Variants in ARMH1 observed in about 807,000 individuals in gnomAD.
ARMH1 encodes the protein armadillo-like helical domain containing protein 1.
In ARMH1, 34 loss-of-function variants were observed where a neutral mutation model predicts 50.2. That is an observed-to-expected ratio of 0.68 (90% CI 0.51 to 0.90). The LOEUF is 0.90. ARMH1 is among the 40% of genes least tolerant of loss of function. The pLI is 0.00. For synonymous variants in ARMH1, 221 were observed against 224.2 expected, an observed-to-expected ratio of 0.99 and a Z score of 0.13; for missense variants, 538 against 553.9, an observed-to-expected ratio of 0.97 and a Z score of 0.29.
In ARMH1 at chr1:44,689,987, A is replaced by T. The variant is rs574062940; in HGVS notation, c.206+84A>T. The T allele has an allele frequency of 5.4e-5, 65 of 1,197,900 alleles. No individual in the cohort carries two copies. In the African/African-American group the frequency reaches 9.8e-4, roughly 18 times the overall value. The allele number at this position is 1,197,900 out of a possible 1,614,324, so 74.2% of individuals were successfully genotyped here. Reference sequence around the variant, plus strand: ...GTAATCCCAGCACTTTGGGAGGCCAAGGTGGGCAGATCACAAGGTCAGGAG... The same window carrying T: ...GTAATCCCAGCACTTTGGGAGGCCATGGTGGGCAGATCACAAGGTCAGGAG... On this transcript the variant is annotated intron_variant, in intron 2 of 11. Transcript: ENST00000535358.
chr1:44,701,972 G>GC (rs1557538788), intron 5 of ARMH1, among the ~76,000 whole-genome samples: 1 of 152,032 alleles, frequency 6.6e-6, no homozygotes, highest in Non-Finnish European at 1.5e-5. Flanking sequence ...GGCTGTGGTG[G>GC]CATGTGCCTA....
In ARMH1 at chr1:44,724,733, AG is replaced by A. The variant is rs1171179210; in HGVS notation, c.1051-28del. The A allele has an allele frequency of 4.0e-6, 6 of 1,513,434 alleles. No homozygotes were observed. Among genetic ancestry groups the A allele is most frequent in the Admixed American group, 2.2e-5 (1 of 46,254 alleles). 93.8% of individuals were successfully genotyped at this position (1,513,434 alleles called of 1,614,324 possible). ...GCACCCGCAGCCCCGTCGCCCCCGC[AG>A]TCACGCCGCCTCGCCCGCGCGGCGC... is the stretch of plus-strand genomic sequence containing the variant. On this transcript the variant is annotated intron_variant, in intron 9 of 11. Coordinates refer to ENST00000535358, the MANE Select transcript of ARMH1 (RefSeq NM_001145636.2). This position sits in a 1 kb window ranked among gnomAD's most constrained non-coding sequence, Gnocchi z 6.4.
chr1:44,725,113 G>C (rs1360650612), intron 10 of ARMH1, 23 bp from the exon 11 acceptor site: 8 of 1,551,668 alleles, frequency 5.2e-6, no homozygotes, highest in Non-Finnish European at 5.2e-6. Flanking sequence ...CCCCAGCCGG[G>C]TCCCCCTTGC....
rs1441005423 is a variant in ARMH1, at chr1:44,681,921, C to A, written c.-23+7048C>A. 1.3e-5 allele frequency among the ~76,000 whole-genome samples: 2 copies of A among 152,090 alleles called. No individual in the cohort carries two copies. Among genetic ancestry groups the A allele is most frequent in the Non-Finnish European group, 2.9e-5 (2 of 68,016 alleles). On this transcript the variant is annotated intron_variant, in intron 1 of 11. Coordinates refer to ENST00000535358, the MANE Select transcript of ARMH1 (RefSeq NM_001145636.2). The surrounding 1 kb of genome is among the most constrained non-coding windows in gnomAD (Gnocchi z 4.3). ...GGTCGCTGGAGTCTGCATTCCATGT[C>A]TCTTCTCTGTGCGCCAACAGAACCT... is the stretch of plus-strand genomic sequence containing the variant.
At chr1:44,714,042 G>A (rs936070342) in intron 6 of ARMH1, among the ~76,000 whole-genome samples, 5 of 152,078 alleles carry the variant, frequency 3.3e-5, no homozygotes, top group African/African-American at 1.2e-4. Flanking sequence ...TTGGGAGGCC[G>A]GCGGATCACG....
At chr1:44,677,247 C>G (rs759784666) in intron 1 of ARMH1, among the ~76,000 whole-genome samples, 1 of 152,126 alleles carries the variant, frequency 6.6e-6, no homozygotes, top group South Asian at 2.1e-4. Flanking sequence ...ATGGCCCTGT[C>G]GAGGTTAGTG....
chr1:44,690,179 C>T (rs1459916172), intron 2 of ARMH1, among the ~76,000 whole-genome samples: 1 of 152,106 alleles, frequency 6.6e-6, no homozygotes, highest in Non-Finnish European at 1.5e-5. Flanking sequence ...GATCATGCCA[C>T]TGCACTCCAG....
chr1:44,706,569 C>T (rs965519445), intron 6 of ARMH1, among the ~76,000 whole-genome samples: 2 of 152,202 alleles, frequency 1.3e-5, no homozygotes, highest in African/African-American at 4.8e-5. Context: ...CTGGAGGCCA[C>T]TTCCAACCTA....
chr1:44,680,832 C>T (rs1266419088), intron 1 of ARMH1, among the ~76,000 whole-genome samples: 2 of 152,072 alleles, frequency 1.3e-5, no homozygotes, highest in African/African-American at 2.4e-5. Flanking sequence ...GATTCCTCCC[C>T]GTCTTTTATC....
At position 44,718,466 on chromosome 1, in the gene ARMH1, C is replaced by T. The variant is rs113557020; in HGVS notation, c.725-5656C>T. ...TTCAGGCAGCAGCCGGTGCAGGCTACGGCTGCCAAGCAGCCAGAGATGTCC... is the reference window on the plus strand; with the variant it reads ...TTCAGGCAGCAGCCGGTGCAGGCTATGGCTGCCAAGCAGCCAGAGATGTCC... On this transcript the variant is annotated intron_variant, in intron 6 of 11. Coordinates refer to ENST00000535358, the MANE Select transcript of ARMH1 (RefSeq NM_001145636.2). Among the ~76,000 whole-genome samples, 1,193 of 152,356 alleles carry T rather than the reference C, an allele frequency of 7.8e-3. 20 individuals carry two copies. Among genetic ancestry groups the T allele is most frequent in the African/African-American group, 0.027 (1,133 of 41,576 alleles).
In ARMH1 at chr1:44,716,913, C is replaced by T. The variant is rs143308317; in HGVS notation, c.725-7209C>T. ...TAACCTAGGCTGGAGTGCAGTGGCG[C>T]GATCTCGGCTCATTGCAACCTCTGC... On this transcript the variant is annotated intron_variant, in intron 6 of 11. Coordinates refer to ENST00000535358, the MANE Select transcript of ARMH1 (RefSeq NM_001145636.2). 2.9e-4 allele frequency among the ~76,000 whole-genome samples: 44 copies of T among 150,224 alleles called. 1 individual carries two copies. The highest frequency in any genetic ancestry group is 4.6e-4 in the Non-Finnish European group (31 of 67,746).
At position 44,683,154 on chromosome 1, in the gene ARMH1, G is replaced by T. The variant is rs988562345; in HGVS notation, c.-22-6522G>T. 1.3e-5 allele frequency among the ~76,000 whole-genome samples: 2 copies of T among 152,186 alleles called. No homozygotes were observed. The highest frequency in any genetic ancestry group is 2.9e-5 in the Non-Finnish European group (2 of 68,028). On this transcript the variant is annotated intron_variant, in intron 1 of 11. Coordinates refer to ENST00000535358, the MANE Select transcript of ARMH1 (RefSeq NM_001145636.2). The surrounding 1 kb of genome is among the most constrained non-coding windows in gnomAD (Gnocchi z 4.2). ...TGGCAACAGTTCAGATGAGGGCAAGGGAGAGGAATAAGTCAAAGACAACTT... is the reference window on the plus strand; with the variant it reads ...TGGCAACAGTTCAGATGAGGGCAAGTGAGAGGAATAAGTCAAAGACAACTT...
rs537173741 is a variant in ARMH1 at position 44,686,451 on chromosome 1, A to C, written c.-22-3225A>C. Among the ~76,000 whole-genome samples, 287 of 152,074 alleles carry C rather than the reference A, an allele frequency of 1.9e-3. 4 individuals are homozygous for C. Among genetic ancestry groups the C allele is most frequent in the African/African-American group, 6.3e-3 (263 of 41,478 alleles). ...AGCACTTTGGGAGGCTGAGGCAGGC[A>C]GATCACTTGAGCTCAGGAGTTTGAG... On this transcript the variant is annotated intron_variant, in intron 1 of 11. Coordinates refer to ENST00000535358, the MANE Select transcript of ARMH1 (RefSeq NM_001145636.2).
chr1:44,696,361 T>G (rs1038353771), intron 2 of ARMH1, among the ~76,000 whole-genome samples: 2 of 152,210 alleles, frequency 1.3e-5, no homozygotes, highest in Non-Finnish European at 2.9e-5. Flanking sequence ...TCATCCTCCA[T>G]GAGCTGCAGT....
At position 44,698,045 on chromosome 1, in the gene ARMH1, T is replaced by G; in HGVS notation, c.276-18T>G. Reference sequence around the variant, plus strand: ...CTTGACAAGAGTTTTATTTCTACTTTTCTATCCCTCTGGACAGTAATCGGT... The same window carrying G: ...CTTGACAAGAGTTTTATTTCTACTTGTCTATCCCTCTGGACAGTAATCGGT... On this transcript the variant is annotated intron_variant, in intron 3 of 11. Transcript: ENST00000535358. 3 of 1,513,590 alleles carry G rather than the reference T, an allele frequency of 2.0e-6. No individual in the cohort carries two copies. In the African/African-American group the frequency reaches 4.2e-5, roughly 21 times the overall value. The allele number at this position is 1,513,590 out of a possible 1,614,324, so 93.8% of individuals were successfully genotyped here.
intron 1 of ARMH1, among the ~76,000 whole-genome samples, chr1:44,676,235 T>C (rs1331094735): frequency 1.3e-5 from 2 of 152,162 alleles, no homozygotes; most frequent in Non-Finnish European, 2.9e-5. Flanking sequence ...CAGGGGTTTT[T>C]AGGAGAGGGT....
intron 5 of ARMH1, among the ~76,000 whole-genome samples, chr1:44,702,416 A>G (rs1450819879): frequency 6.6e-6 from 1 of 152,116 alleles, no homozygotes; most frequent in Non-Finnish European, 1.5e-5. Flanking sequence ...GCCTCTTCAA[A>G]AAAGGGCAAT....
Position 44,725,447 on chromosome 1 carries a change from G to C in ARMH1, c.*44G>C. 1 of 1,544,850 alleles carries C rather than the reference G, an allele frequency of 6.5e-7. No homozygotes were observed. The highest frequency in any genetic ancestry group is 8.8e-7 in the Non-Finnish European group (1 of 1,141,166). ...AGGAAGGCCAAGGCTGCGGGGCAGG[G>C]AAGCCTGGCAAGAGGAAGGCGCCTG... On this transcript the variant is annotated 3_prime_UTR_variant, in exon 12 of 12. Coordinates refer to ENST00000535358, the MANE Select transcript of ARMH1 (RefSeq NM_001145636.2).
chr1:44,675,676 AG>A, intron 1 of ARMH1, among the ~76,000 whole-genome samples: 1 of 151,370 alleles, frequency 6.6e-6, no homozygotes, highest in Non-Finnish European at 1.5e-5. Context: ...AACAAAACAA[AG>A]AGCCCAGTGT....
Sources: gnomAD v4.1 joint callset for allele counts (sites outside exome capture counted in the v4.1 genomes callset) on GRCh38, gnomAD v4.1.1 for gene constraint, Gnocchi (gnomAD v3.1) non-coding constraint, MANE v1.5 for transcripts, NCBI Gene and HGNC (gene_info 2026-07-23, HGNC 2026-07-21) for gene names.